Variants in NUFIP1 observed in about 807,000 individuals in gnomAD.
NUFIP1 encodes the protein FMR1-interacting protein NUFIP1.
NUFIP1 carries 38 observed loss-of-function variants against 56.2 expected under a neutral mutation model. The observed-to-expected ratio is 0.68, with a 90% CI of 0.52 to 0.89. The LOEUF (loss-of-function observed/expected upper bound fraction) is 0.89. Among genes scored for constraint, NUFIP1 ranks in the 40% least tolerant of loss-of-function variants. The pLI, the probability that NUFIP1 is intolerant of heterozygous loss-of-function variation, is 0.00. For missense variants in NUFIP1, 567 were observed against 605.8 expected, an observed-to-expected ratio of 0.94 and a Z score of 0.67; for synonymous variants, 215 against 212.4, an observed-to-expected ratio of 1.01 and a Z score of -0.10.
rs756797579 is a variant in NUFIP1 at position 44,979,234 on chromosome 13, T to C, written c.690A>G (p.Leu230=). The C allele has an allele frequency of 6.2e-7, 1 of 1,613,684 alleles. No homozygotes were observed. The highest frequency in any genetic ancestry group is 8.5e-7 in the Non-Finnish European group (1 of 1,179,876). ...ACCGTGCAATTTCCTCTGGAGTGTC[T>C]AACTTGATCTTCTTCATGCCAGGAG... is the stretch of plus-strand genomic sequence containing the variant. ...MHAPGMKKIK[L]DTPEEIARWR... The change falls in exon 5 of 10, where the codon TTA becomes TTG. Residue 230 remains leucine (L), a synonymous_variant. Transcript: ENST00000379161.
chr13:44,966,041 A>T (rs1029931323), intron 5 of NUFIP1, 105 bp from the exon 6 acceptor site: 16 of 493,414 alleles, frequency 3.2e-5, no homozygotes, highest in African/African-American at 2.4e-4. Flanking sequence ...CACCTAACAC[A>T]GCAAATTATA....
In NUFIP1 at chr13:44,982,220, T is replaced by TAA. The variant is rs1872220230; in HGVS notation, c.413-67_413-66insTT. ...TTATTTAAATTATAATTAAATTTTATCTACTACAGCATGTTACAAATATTT... is the reference window on the plus strand; with the variant it reads ...TTATTTAAATTATAATTAAATTTTATAACTACTACAGCATGTTACAAATATTT... On this transcript the variant is annotated intron_variant, in intron 1 of 9. Transcript: ENST00000379161. 5.6e-6 allele frequency: 4 copies of TAA among 713,628 alleles called. No individual in the cohort carries two copies. The South Asian group carries it at 1.3e-4, about 24-fold the overall frequency. 44.2% of individuals were successfully genotyped at this position (713,628 alleles called of 1,614,324 possible).
At chr13:44,955,940 G>A (rs923980492) in intron 7 of NUFIP1, among the ~76,000 whole-genome samples, 2 of 151,544 alleles carry the variant, frequency 1.3e-5, no homozygotes, top group African/African-American at 2.4e-5. Flanking sequence ...TCAGGAGATC[G>A]AGACCATCCT....
Position 44,939,789 on chromosome 13 carries a change from C to T in NUFIP1, c.*1417G>A, listed in dbSNP as rs1478318789. ...AAAATAAAACTGTTTCTATAATATACCTTAAGGCAGTGTGGGGATCAACAA... is the reference window on the plus strand; with the variant it reads ...AAAATAAAACTGTTTCTATAATATATCTTAAGGCAGTGTGGGGATCAACAA... On this transcript the variant is annotated 3_prime_UTR_variant, in exon 10 of 10. Coordinates refer to ENST00000379161, the MANE Select transcript of NUFIP1 (RefSeq NM_012345.3). 6 of 152,088 alleles carry T rather than the reference C, an allele frequency of 3.9e-5. No homozygotes were observed. Among genetic ancestry groups the T allele is most frequent in the Non-Finnish European group, 7.4e-5 (5 of 68,024 alleles). 9.4% of individuals were successfully genotyped at this position (152,088 alleles called of 1,614,324 possible).
intron 8 of NUFIP1, among the ~76,000 whole-genome samples, chr13:44,944,401 A>G (rs1026191729): frequency 2.0e-5 from 3 of 152,172 alleles, no homozygotes; most frequent in African/African-American, 7.2e-5. Flanking sequence ...CAATTCGTCA[A>G]TAAGACAAAG....
At chr13:44,953,039 G>A (rs983321739) in intron 7 of NUFIP1, among the ~76,000 whole-genome samples, 1 of 152,096 alleles carries the variant, frequency 6.6e-6, no homozygotes, top group Non-Finnish European at 1.5e-5. Context: ...CACAACCCAG[G>A]TCCATAATAT....
chr13:44,968,864 T>C (rs1240004338), intron 5 of NUFIP1, among the ~76,000 whole-genome samples: 2 of 152,186 alleles, frequency 1.3e-5, no homozygotes, highest in Non-Finnish European at 2.9e-5. Context: ...TTATAGCAAG[T>C]GGATTTTAGG....
intron 5 of NUFIP1, among the ~76,000 whole-genome samples, chr13:44,973,594 T>C (rs1871875967): frequency 6.6e-6 from 1 of 152,148 alleles, no homozygotes; most frequent in South Asian, 2.1e-4. Flanking sequence ...ATTTCAGAGC[T>C]CACACTTAAT....
At chr13:44,980,606 A>C in intron 3 of NUFIP1, 116 bp downstream of exon 3, 1 of 759,468 alleles carries the variant, frequency 1.3e-6, no homozygotes, top group South Asian at 1.7e-5. Context: ...TTGTCAAACT[A>C]TATCTCTACA....
intron 1 of NUFIP1, among the ~76,000 whole-genome samples, chr13:44,984,032 A>T (rs1443844628): frequency 1.3e-5 from 2 of 152,212 alleles, no homozygotes; most frequent in South Asian, 4.1e-4. Flanking sequence ...ACCTTCCATG[A>T]GATTCTAATT....
intron 1 of NUFIP1, among the ~76,000 whole-genome samples, chr13:44,985,430 T>C (rs1872348841): frequency 6.6e-6 from 1 of 152,166 alleles, no homozygotes; most frequent in South Asian, 2.1e-4. Context: ...TAAAAGCACA[T>C]CTCATTTCAC....
chr13:44,945,844 G>A (rs544536484), intron 8 of NUFIP1, among the ~76,000 whole-genome samples: 34 of 152,174 alleles, frequency 2.2e-4, no homozygotes, highest in South Asian at 1.7e-3. Flanking sequence ...TCTAGAAGTT[G>A]GGAGACAGGG....
chr13:44,982,899 T>G (rs1872243716), intron 1 of NUFIP1, among the ~76,000 whole-genome samples: 1 of 152,200 alleles, frequency 6.6e-6, no homozygotes, highest in Non-Finnish European at 1.5e-5. Context: ...TCCTAGCTAC[T>G]GTGGAGGCTG....
intron 6 of NUFIP1, among the ~76,000 whole-genome samples, chr13:44,964,980 T>C (rs766699233): frequency 9.2e-5 from 14 of 152,206 alleles, no homozygotes; most frequent in South Asian, 2.1e-4. Flanking sequence ...AGAACATTTA[T>C]AGAAACACAA....
intron 6 of NUFIP1, among the ~76,000 whole-genome samples, chr13:44,960,262 C>A (rs1593362368): frequency 1.3e-5 from 2 of 150,870 alleles, no homozygotes; most frequent in African/African-American, 4.9e-5. Context: ...AAAGTATGTT[C>A]ACTCTTGTCT....
In NUFIP1 at chr13:44,950,881, T is replaced by C. The variant is rs574475201; in HGVS notation, c.1022-1043A>G. On this transcript the variant is annotated intron_variant, in intron 7 of 9. Coordinates refer to ENST00000379161, the MANE Select transcript of NUFIP1 (RefSeq NM_012345.3). ...AAAAATAAGGCCTCACTGAAGACAA[T>C]AAGTAATTTGTCTATTTAATTAACC... is the stretch of plus-strand genomic sequence containing the variant. Among the ~76,000 whole-genome samples the C allele has an allele frequency of 2.6e-5, 4 of 152,176 alleles. No individual in the cohort carries two copies. The East Asian group carries it at 5.8e-4, about 22-fold the overall frequency.
In NUFIP1 at chr13:44,943,622, A is replaced by T. The variant is rs61742037; in HGVS notation, c.1191T>A (p.Asp397Glu). ...GACTTGGACTCTTAGGAGCACTGCT[A>T]TCAAGAACCTGGTTTTCTGCCAAAA... The part of the protein sequence containing the change: ...ADVLAENQVL[D>E]SSAPKSPSQD... The change falls in exon 9 of 10, where the codon GAT (aspartate) becomes GAA (glutamate). Residue 397 changes from aspartate (D) to glutamate (E), a missense_variant. Transcript: ENST00000379161. The T allele has an allele frequency of 8.2e-4, 1,331 of 1,614,002 alleles. 7 individuals are homozygous for T. The African/African-American group carries it at 0.014, about 17-fold the overall frequency.
In NUFIP1 at chr13:44,979,810, A is replaced by T. The variant is rs765124760; in HGVS notation, c.657+80T>A. 5.8e-4 allele frequency: 573 copies of T among 993,794 alleles called. 1 individual carries two copies. The highest frequency in any genetic ancestry group is 7.9e-4 in the Non-Finnish European group (524 of 663,762). The allele number at this position is 993,794 out of a possible 1,614,324, so 61.6% of individuals were successfully genotyped here. ...CCATTAGTGTTACCTATTATTAGGT[A>T]TATAAATAAACAGTTGTGAAGATAA... is the stretch of plus-strand genomic sequence containing the variant. On this transcript the variant is annotated intron_variant, in intron 4 of 9. Transcript: ENST00000379161.
intron 7 of NUFIP1, among the ~76,000 whole-genome samples, chr13:44,952,367 T>C (rs1871111952): frequency 6.6e-6 from 1 of 152,176 alleles, no homozygotes; most frequent in African/African-American, 2.4e-5. Flanking sequence ...TCAAGTGATC[T>C]GCTCACTTTG....
Sources: gnomAD v4.1 joint callset for allele counts (sites outside exome capture counted in the v4.1 genomes callset) on GRCh38, gnomAD v4.1.1 for gene constraint, MANE v1.5 for transcripts, NCBI Gene and HGNC (gene_info 2026-07-23, HGNC 2026-07-21) for gene names.